Variants in TBC1D1 observed in about 807,000 individuals in gnomAD.
TBC1D1 encodes TBC1 domain family member 1.
A neutral mutation model predicts 125.6 loss-of-function variants in TBC1D1; 89 were observed. The observed-to-expected ratio is 0.71, with a 90% CI of 0.60 to 0.85. TBC1D1 has a LOEUF of 0.85. Ranked by LOEUF, TBC1D1 falls within the 40% of genes least tolerant of loss-of-function variation. The pLI, the probability that TBC1D1 is intolerant of heterozygous loss-of-function variation, is 0.00. For missense variants in TBC1D1, 1,377 were observed against 1,469.2 expected (o/e 0.94, Z 1.03); for synonymous variants, 565 against 564.1 (o/e 1.00, Z -0.02).
intron 2 of TBC1D1, among the ~76,000 whole-genome samples, chr4:37,970,347 C>A (rs1489465691): frequency 6.6e-6 from 1 of 152,328 alleles, no homozygotes; most frequent in Middle Eastern, 3.4e-3. Context: ...GAGATGATTG[C>A]ATATCATCAA....
intron 12 of TBC1D1, among the ~76,000 whole-genome samples, chr4:38,077,630 ATTTTTT>A (rs33926889): frequency 8.0e-6 from 1 of 125,322 alleles, no homozygotes. Context: ...CAAAACCTTA[ATTTTTT>A]TTTTTTTTTT....
At chr4:38,013,892 T>A (rs6531601) in intron 2 of TBC1D1, among the ~76,000 whole-genome samples, 75,265 of 152,076 alleles carry the variant, frequency 0.49, 19,312 homozygotes, top group East Asian at 0.7. Context: ...CTTTGTTGAC[T>A]TGCTAGTCAC....
rs545002779 is a variant in TBC1D1 at position 37,977,828 on chromosome 4, C to T, written c.418-36681C>T. Among the ~76,000 whole-genome samples the T allele has an allele frequency of 5.1e-4, 78 of 152,240 alleles. No individual in the cohort carries two copies. Among genetic ancestry groups the T allele is most frequent in the African/African-American group, 1.6e-3 (65 of 41,574 alleles). On this transcript the variant is annotated intron_variant, in intron 2 of 19. Coordinates refer to ENST00000261439, the MANE Select transcript of TBC1D1 (RefSeq NM_015173.4). The surrounding 1 kb of genome is among the most constrained non-coding windows in gnomAD (Gnocchi z 4.3). ...CAGGCGGCTCCTCCGGCCCCTGTCG[C>T]TCCCCGCGCCGCGGAGCTGCCGCTC...
chr4:37,902,804 G>T (rs1377204683), intron 2 of TBC1D1, among the ~76,000 whole-genome samples: 1 of 152,202 alleles, frequency 6.6e-6, no homozygotes, highest in Non-Finnish European at 1.5e-5. Context: ...TCAGATGAAT[G>T]TTCTAAAGCC....
At chr4:37,999,954 G>A (rs1051385024) in intron 2 of TBC1D1, among the ~76,000 whole-genome samples, 2 of 152,170 alleles carry the variant, frequency 1.3e-5, no homozygotes, top group African/African-American at 4.8e-5. Context: ...CATTTGAAAA[G>A]ATTATAATGT....
chr4:38,094,059 A>C (rs889536190), intron 13 of TBC1D1, among the ~76,000 whole-genome samples: 23 of 152,268 alleles, frequency 1.5e-4, no homozygotes, highest in Non-Finnish European at 1.8e-4. Flanking sequence ...TAAATAATAC[A>C]TGATGGTTTA....
At chr4:37,986,807 A>G (rs1311669320) in intron 2 of TBC1D1, among the ~76,000 whole-genome samples, 1 of 146,134 alleles carries the variant, frequency 6.8e-6, no homozygotes, top group African/African-American at 2.5e-5. Context: ...GGAAATGAGC[A>G]AGGAGAGGAA....
At chr4:37,985,619 A>G (rs1420979379) in intron 2 of TBC1D1, among the ~76,000 whole-genome samples, 2 of 152,198 alleles carry the variant, frequency 1.3e-5, no homozygotes, top group Admixed American at 6.5e-5. Flanking sequence ...AAAATCCATT[A>G]ATGTCAAAAT....
At chr4:38,064,299 G>A (rs548907224) in intron 12 of TBC1D1, among the ~76,000 whole-genome samples, 1 of 152,290 alleles carries the variant, frequency 6.6e-6, no homozygotes, top group Non-Finnish European at 1.5e-5. Context: ...GAACATTGAT[G>A]TATGTGTTTT....
chr4:38,078,563 T>G (rs559921551), intron 12 of TBC1D1, among the ~76,000 whole-genome samples: 1 of 152,264 alleles, frequency 6.6e-6, no homozygotes, highest in Admixed American at 6.5e-5. Context: ...AGTGAAGCCC[T>G]CATGAATGGG....
chr4:37,975,554 T>C lies in TBC1D1; in HGVS notation c.418-38955T>C, dbSNP rs190039244. Among the ~76,000 whole-genome samples the C allele has an allele frequency of 8.1e-4, 124 of 152,348 alleles. 1 individual carries two copies. The highest frequency in any genetic ancestry group is 2.8e-3 in the African/African-American group (117 of 41,584). Reference sequence around the variant, plus strand: ...GGTCTGCTAAGTAGCGGGTGTTTTTTGTTGACACTAACACTACCGCTAGAC... The same window carrying C: ...GGTCTGCTAAGTAGCGGGTGTTTTTCGTTGACACTAACACTACCGCTAGAC... On this transcript the variant is annotated intron_variant, in intron 2 of 19. Transcript: ENST00000261439.
intron 17 of TBC1D1, among the ~76,000 whole-genome samples, chr4:38,124,559 A>G (rs748496643): frequency 1.3e-5 from 2 of 152,248 alleles, no homozygotes; most frequent in African/African-American, 4.8e-5. Flanking sequence ...GAGGAAACAG[A>G]GACACTTTTT....
intron 14 of TBC1D1, among the ~76,000 whole-genome samples, chr4:38,102,190 A>G (rs570801068): frequency 5.3e-4 from 80 of 152,108 alleles, no homozygotes; most frequent in Non-Finnish European, 1.0e-3. Context: ...ACACTTATAC[A>G]TATGTAACAA....
intron 2 of TBC1D1, chr4:38,006,891 T>C (rs192411955): frequency 4.1e-6 from 2 of 486,582 alleles, no homozygotes; most frequent in East Asian, 5.8e-5. Flanking sequence ...TGCTCATCTC[T>C]GCAGAATCCA....
At chr4:38,018,845 A>G (rs999659372) in intron 4 of TBC1D1, among the ~76,000 whole-genome samples, 9 of 152,104 alleles carry the variant, frequency 5.9e-5, no homozygotes, top group Non-Finnish European at 8.8e-5. Context: ...TTTGGGTACC[A>G]ATTGTCAGTA....
chr4:37,937,970 A>G (rs73810051), intron 2 of TBC1D1, among the ~76,000 whole-genome samples: 20,647 of 152,162 alleles, frequency 0.14, 1,522 homozygotes, highest in East Asian at 0.17. Context: ...GGTAAGCAAA[A>G]TGTGGGTTCT....
At chr4:38,101,531 A>G (rs748437635) in intron 14 of TBC1D1, among the ~76,000 whole-genome samples, 1 of 152,268 alleles carries the variant, frequency 6.6e-6, no homozygotes, top group Non-Finnish European at 1.5e-5. Context: ...GAGTATTCAA[A>G]TTAATCACAT....
chr4:37,938,161 G>T (rs193064741), intron 2 of TBC1D1, among the ~76,000 whole-genome samples: 9 of 152,006 alleles, frequency 5.9e-5, no homozygotes, highest in African/African-American at 2.2e-4. Flanking sequence ...TGGGAGGGTC[G>T]CTTGAGATCA....
rs1312390887 is a variant in TBC1D1, at chr4:38,044,479, A to G, written c.1531A>G (p.Ile511Val). 1 of 1,610,202 alleles carries G rather than the reference A, an allele frequency of 6.2e-7. No individual in the cohort carries two copies. The highest frequency in any genetic ancestry group is 1.7e-5 in the Admixed American group (1 of 58,672). The stretch of plus-strand genomic sequence containing the variant: ...ATCTTTAACAGAGTCTTTAGAAAGT[A>G]TTTTGTCCCGGGTAAGTAGCATAAT... Residue 511 changes from isoleucine (I) to valine (V), a missense_variant, in exon 9 of 20, where the codon ATT (isoleucine) becomes GTT (valine). Ile to Val is a conservative substitution (Grantham distance 29). Transcript: ENST00000261439.
Sources: gnomAD v4.1 joint callset for allele counts (sites outside exome capture counted in the v4.1 genomes callset) on GRCh38, gnomAD v4.1.1 for gene constraint, Gnocchi (gnomAD v3.1) non-coding constraint, MANE v1.5 for transcripts, NCBI Gene and HGNC (gene_info 2026-07-23, HGNC 2026-07-21) for gene names.